Variants in SLC16A2 observed in about 807,000 individuals in gnomAD.
SLC16A2 encodes solute carrier family 16 member 2, also known as monocarboxylate transporter 8.
A neutral mutation model predicts 27.2 loss-of-function variants in SLC16A2; 3 were observed. That is an observed-to-expected ratio of 0.11 (90% CI 0.05 to 0.28). The LOEUF (loss-of-function observed/expected upper bound fraction) is 0.28, where lower values mean the gene tolerates loss of function less well. Ranked by LOEUF, SLC16A2 falls within the 10% of genes least tolerant of loss-of-function variation. The pLI, the probability that SLC16A2 is intolerant of heterozygous loss-of-function variation, is 1.00. For missense variants in SLC16A2, 295 were observed against 458.5 expected, an observed-to-expected ratio of 0.64 and a Z score of 3.26; for synonymous variants, 202 against 187.8, an observed-to-expected ratio of 1.08 and a Z score of -0.62.
intron 1 of SLC16A2, among the ~76,000 whole-genome samples, chrX:74,461,609 T>C (rs1239190852): frequency 9.0e-6 from 1 of 111,598 alleles, no homozygotes; most frequent in Non-Finnish European, 1.9e-5. Context: ...ACACACATGG[T>C]GACCTACTTT....
chrX:74,438,881 C>T (rs1416990093), intron 1 of SLC16A2, among the ~76,000 whole-genome samples: 1 of 112,122 alleles, frequency 8.9e-6, no homozygotes, highest in Non-Finnish European at 1.9e-5. Flanking sequence ...GTCTGGAGAA[C>T]ATGGATCCTT....
chrX:74,528,139 C>T (rs1194264991), intron 4 of SLC16A2, among the ~76,000 whole-genome samples: 1 of 112,246 alleles, frequency 8.9e-6, no homozygotes, highest in Non-Finnish European at 1.9e-5. Context: ...AGTTGGCTTG[C>T]TTGTGTGAAC....
At chrX:74,427,142 C>G (rs1431197676) in intron 1 of SLC16A2, among the ~76,000 whole-genome samples, 2 of 112,374 alleles carry the variant, frequency 1.8e-5, no homozygotes, top group African/African-American at 6.5e-5. Flanking sequence ...TCAGTTTGGA[C>G]CCCTCTTCTG....
At chrX:74,470,786 A>G (rs1024241863) in intron 1 of SLC16A2, among the ~76,000 whole-genome samples, 4 of 110,593 alleles carry the variant, frequency 3.6e-5, no homozygotes, top group Admixed American at 1.9e-4. Flanking sequence ...AAAATACAAA[A>G]AATTAGCCGG....
intron 1 of SLC16A2, among the ~76,000 whole-genome samples, chrX:74,507,610 T>C (rs147562208): frequency 2.7e-3 from 299 of 112,291 alleles, no homozygotes; most frequent in African/African-American, 9.4e-3. Flanking sequence ...TAGCAAAGTT[T>C]ACAATATTCA....
At chrX:74,509,974 A>G (rs1930202154) in intron 1 of SLC16A2, among the ~76,000 whole-genome samples, 2 of 112,031 alleles carry the variant, frequency 1.8e-5, no homozygotes, top group Admixed American at 1.9e-4. Flanking sequence ...GATGTTTTTT[A>G]TCTGGTTTTG....
intron 1 of SLC16A2, among the ~76,000 whole-genome samples, chrX:74,471,015 T>C (rs1341903222): frequency 1.8e-5 from 2 of 112,752 alleles, no homozygotes; most frequent in African/African-American, 6.4e-5. Context: ...AACAATTCTT[T>C]ATCAGATATG....
At chrX:74,469,412 C>CA (rs1291300337) in intron 1 of SLC16A2, among the ~76,000 whole-genome samples, 23 of 111,790 alleles carry the variant, frequency 2.1e-4, no homozygotes, top group African/African-American at 7.5e-4. Flanking sequence ...AAATGTTTTC[C>CA]AAAACAGCTA....
chrX:74,474,491 T>C (rs1267144374), intron 1 of SLC16A2, among the ~76,000 whole-genome samples: 2 of 106,717 alleles, frequency 1.9e-5, no homozygotes, highest in East Asian at 6.4e-4. Flanking sequence ...TTTTTTTTTT[T>C]ATTATACTTT....
chrX:74,495,310 T>C (rs1929913709), intron 1 of SLC16A2, among the ~76,000 whole-genome samples: 1 of 110,899 alleles, frequency 9.0e-6, no homozygotes, highest in Non-Finnish European at 1.9e-5. Flanking sequence ...AGTGTCCCTC[T>C]TGTCCTCAGC....
intron 1 of SLC16A2, among the ~76,000 whole-genome samples, chrX:74,452,146 G>A (rs1047697566): frequency 3.6e-5 from 4 of 112,450 alleles, no homozygotes; most frequent in Non-Finnish European, 7.5e-5. Flanking sequence ...GACATGCATG[G>A]AGGCTGGGTC....
rs1393948264 is a variant in SLC16A2 at position 74,502,787 on chromosome X, T to C, written c.431-18203T>C. Among the ~76,000 whole-genome samples, 3 of 111,383 alleles carry C rather than the reference T, an allele frequency of 2.7e-5. No homozygotes were observed. In the Admixed American group the frequency reaches 2.9e-4, roughly 11 times the overall value. On this transcript the variant is annotated intron_variant, in intron 1 of 5. Transcript: ENST00000587091. ...AACGGACCCTGACAATTGACAATAG[T>C]AGTTGATCCAATCCATTGCCTCTCA...
At chrX:74,490,065 A>G (rs1436314603) in intron 1 of SLC16A2, among the ~76,000 whole-genome samples, 1 of 90,233 alleles carries the variant, frequency 1.1e-5, no homozygotes, top group Non-Finnish European at 2.0e-5. Flanking sequence ...ATACAAATTC[A>G]CTGGCTTGCA....
At chrX:74,451,306 G>T (rs1928936187) in intron 1 of SLC16A2, among the ~76,000 whole-genome samples, 2 of 111,988 alleles carry the variant, frequency 1.8e-5, no homozygotes, top group Non-Finnish European at 3.8e-5. Flanking sequence ...ATCAGACAAA[G>T]AATGTATGAA....
At chrX:74,489,557 G>C (rs1428567390) in intron 1 of SLC16A2, among the ~76,000 whole-genome samples, 1 of 111,850 alleles carries the variant, frequency 8.9e-6, no homozygotes, top group South Asian at 3.7e-4. Flanking sequence ...AAAAGCATTT[G>C]ACTAGTCTTT....
chrX:74,499,999 A>C (rs1291610327), intron 1 of SLC16A2, among the ~76,000 whole-genome samples: 2 of 111,588 alleles, frequency 1.8e-5, no homozygotes, highest in African/African-American at 3.3e-5. Context: ...GGAAAGCTAT[A>C]CATATTTATG....
chrX:74,459,869 A>T (rs1569288505), intron 1 of SLC16A2, among the ~76,000 whole-genome samples: 1 of 111,496 alleles, frequency 9.0e-6, no homozygotes, highest in Non-Finnish European at 1.9e-5. Context: ...GAGTATAATG[A>T]CTTTGGTCAA....
chrX:74,517,256 A>G (rs925668788), intron 1 of SLC16A2, among the ~76,000 whole-genome samples: 3 of 112,339 alleles, frequency 2.7e-5, no homozygotes, highest in Non-Finnish European at 1.9e-5. Context: ...CTGTGAATCT[A>G]TAGTTATTTC....
intron 5 of SLC16A2, 33 bp downstream of exon 5, chrX:74,529,474 A>G: frequency 9.4e-7 from 1 of 1,065,603 alleles, no homozygotes; most frequent in South Asian, 2.0e-5. Flanking sequence ...GGCATGAATC[A>G]GGGAGTCCTT....
Sources: gnomAD v4.1 joint callset for allele counts (sites outside exome capture counted in the v4.1 genomes callset) on GRCh38, gnomAD v4.1.1 for gene constraint, MANE v1.5 for transcripts, NCBI Gene and HGNC (gene_info 2026-07-23, HGNC 2026-07-21) for gene names.